RYR2: variants seen among roughly 807,000 people sequenced by gnomAD.
RYR2 encodes cardiac muscle ryanodine receptor-calcium release channel.
RYR2 carries 227 observed loss-of-function variants against 601.1 expected under a neutral mutation model. That is an observed-to-expected ratio of 0.38 (90% CI 0.34 to 0.42). The LOEUF is 0.42. Among genes scored for constraint, RYR2 ranks in the 10% least tolerant of loss-of-function variants. RYR2 has a pLI of 1.00. For missense variants in RYR2, 4,646 were observed against 6,156.5 expected (o/e 0.75, Z 8.21); for synonymous variants, 2,223 against 2,175.1 (o/e 1.02, Z -0.61).
At position 237,628,015 on chromosome 1, in the gene RYR2, GATTC is replaced by G; in HGVS notation, c.6376_6379del (p.Ile2126GlyfsTer4). 1 of 1,613,936 alleles carries G rather than the reference GATTC, an allele frequency of 6.2e-7. No homozygotes were observed. The highest frequency in any genetic ancestry group is 8.5e-7 in the Non-Finnish European group (1 of 1,179,884). The stretch of plus-strand genomic sequence containing the variant: ...TCAACCTGCTGGCATCCCTTGGTCA[GATTC>G]GGTCCCTGCTGAGTGTGAGAATGGG... On this transcript the variant is annotated frameshift_variant, in exon 41 of 105. Coordinates refer to ENST00000366574, the MANE Select transcript of RYR2 (RefSeq NM_001035.3). LOFTEE classifies it high-confidence loss of function.
At chr1:237,382,243 C>T (rs531600740) in intron 8 of RYR2, among the ~76,000 whole-genome samples, 2 of 152,238 alleles carry the variant, frequency 1.3e-5, no homozygotes, top group African/African-American at 2.4e-5. Context: ...AAATAAACAA[C>T]TGATTGAAAA....
intron 5 of RYR2, among the ~76,000 whole-genome samples, chr1:237,368,747 G>C (rs541196748): frequency 3.9e-5 from 6 of 152,024 alleles, no homozygotes; most frequent in Non-Finnish European, 8.8e-5. Flanking sequence ...TTTAAGCCTG[G>C]AGGCATTATG....
intron 44 of RYR2, 68 bp from the exon 45 acceptor site, chr1:237,638,278 GTCATTTATTGT>G: frequency 6.3e-7 from 1 of 1,575,150 alleles, no homozygotes; most frequent in South Asian, 1.2e-5. Flanking sequence ...CTTTAAGGAT[GTCATTTATTGT>G]ATCCAATGTA....
intron 51 of RYR2, among the ~76,000 whole-genome samples, chr1:237,651,777 C>T (rs1052818073): frequency 1.3e-5 from 2 of 152,158 alleles, no homozygotes; most frequent in Non-Finnish European, 2.9e-5. Flanking sequence ...GTGGCTCACG[C>T]CTGTAATCCC....
intron 16 of RYR2, among the ~76,000 whole-genome samples, chr1:237,460,042 A>G (rs1367363250): frequency 1.3e-5 from 2 of 152,128 alleles, no homozygotes; most frequent in African/African-American, 2.4e-5. Context: ...AGTGGGTTTG[A>G]CACAATGGCT....
At chr1:237,148,525 AAAATATAT>A (rs1262003876) in intron 1 of RYR2, among the ~76,000 whole-genome samples, 5 of 81,534 alleles carry the variant, frequency 6.1e-5, no homozygotes, top group Non-Finnish European at 9.7e-5. Context: ...TAAAAAAAAA[AAAATATAT>A]ATATATATAT....
chr1:237,549,628 C>CTTT lies in RYR2; in HGVS notation c.3067-890_3067-888dup, dbSNP rs57579159. On this transcript the variant is annotated intron_variant, in intron 26 of 104. Transcript: ENST00000366574. ...AACCCCTGTGTGATTCCATAGCTTT[C>CTTT]TTTTTTTTTTTTTTTTTTTTTTTTT... Among the ~76,000 whole-genome samples, 63 of 77,730 alleles carry CTTT rather than the reference C, an allele frequency of 8.1e-4. 2 individuals are homozygous for CTTT. Among genetic ancestry groups the CTTT allele is most frequent in the African/African-American group, 2.6e-3 (49 of 19,048 alleles). 51.0% of individuals were successfully genotyped at this position (77,730 alleles called of 152,430 possible). A position where few individuals can be genotyped will look rare whatever the true frequency, so the allele number is the denominator to read the frequency against.
intron 1 of RYR2, among the ~76,000 whole-genome samples, chr1:237,221,659 C>T (rs150313335): frequency 1.4e-3 from 206 of 152,230 alleles, no homozygotes; most frequent in African/African-American, 4.3e-3. Flanking sequence ...TAGCTAAATT[C>T]GGAAGTCAAG....
intron 19 of RYR2, among the ~76,000 whole-genome samples, chr1:237,495,636 T>C (rs1462156862): frequency 6.6e-6 from 1 of 152,188 alleles, no homozygotes; most frequent in Non-Finnish European, 1.5e-5. Context: ...TACCATAGGG[T>C]ATATGTCCAC....
At chr1:237,240,669 A>AC (rs1286518171) in intron 1 of RYR2, among the ~76,000 whole-genome samples, 1 of 147,342 alleles carries the variant, frequency 6.8e-6, no homozygotes, top group Non-Finnish European at 1.5e-5. Flanking sequence ...AAAAGCCAAA[A>AC]AAAAAAAAAA....
At chr1:237,322,636 G>A (rs1695733266) in intron 2 of RYR2, among the ~76,000 whole-genome samples, 1 of 152,142 alleles carries the variant, frequency 6.6e-6, no homozygotes, top group African/African-American at 2.4e-5. Flanking sequence ...TATCAAGTGT[G>A]TTCAATCTGT....
rs752900705 is a variant in RYR2 at position 237,648,554 on chromosome 1, C to T, written c.7453C>T (p.Leu2485Phe). 2 of 1,611,402 alleles carry T rather than the reference C, an allele frequency of 1.2e-6. No individual in the cohort carries two copies. The highest frequency in any genetic ancestry group is 1.7e-6 in the Non-Finnish European group (2 of 1,178,698). Reference sequence around the variant, plus strand: ...TGGGATTGAGGTTCAAGACTTCCTCCTCCATCTTCTTGAGGTTGGCTTTCT... The same window carrying T: ...TGGGATTGAGGTTCAAGACTTCCTCTTCCATCTTCTTGAGGTTGGCTTTCT... ...VYGIEVQDFL[L>F]HLLEVGFLPD... Residue 2485 changes from leucine (L) to phenylalanine (F), a missense_variant, in exon 49 of 105, where the codon CTC becomes TTC. Leu to Phe is a conservative substitution (Grantham distance 22, BLOSUM62 0). This residue lies in a region of RYR2 where 1,497 missense variants were observed against 1,842.6 expected (regional missense o/e 0.81). Coordinates refer to ENST00000366574, the MANE Select transcript of RYR2 (RefSeq NM_001035.3).
chr1:237,729,465 C>G (rs531344915), intron 76 of RYR2, among the ~76,000 whole-genome samples: 2 of 152,194 alleles, frequency 1.3e-5, no homozygotes, highest in South Asian at 2.1e-4. Flanking sequence ...TTTCCAAGGC[C>G]CTTCATAAAC....
chr1:237,301,830 G>A (rs1468265921), intron 2 of RYR2, among the ~76,000 whole-genome samples: 2 of 152,032 alleles, frequency 1.3e-5, no homozygotes, highest in Admixed American at 6.5e-5. Flanking sequence ...GCTCCCAGAC[G>A]GTGACTTTCT....
intron 103 of RYR2, 49 bp from the exon 104 acceptor site, chr1:237,831,465 C>G: frequency 9.9e-7 from 1 of 1,010,598 alleles, no homozygotes; most frequent in Non-Finnish European, 1.5e-6. Flanking sequence ...CCTGTTTATC[C>G]TAATATTTCC....
At chr1:237,618,575 A>C (rs1489199903) in intron 38 of RYR2, among the ~76,000 whole-genome samples, 1 of 152,212 alleles carries the variant, frequency 6.6e-6, no homozygotes, top group African/African-American at 2.4e-5. Context: ...ACCAATGGGC[A>C]TAGACAAGAA....
intron 1 of RYR2, among the ~76,000 whole-genome samples, chr1:237,054,812 T>G (rs764229513): frequency 6.6e-6 from 1 of 152,190 alleles, no homozygotes; most frequent in Non-Finnish European, 1.5e-5. Flanking sequence ...GGGATCTTGC[T>G]GAATTTGGGT....
At chr1:237,636,113 A>G (rs1339434624) in intron 44 of RYR2, among the ~76,000 whole-genome samples, 1 of 151,930 alleles carries the variant, frequency 6.6e-6, no homozygotes, top group Non-Finnish European at 1.5e-5. Context: ...GTACACAAAT[A>G]TATACTTTCA....
intron 1 of RYR2, among the ~76,000 whole-genome samples, chr1:237,140,090 A>T (rs1212233053): frequency 6.6e-6 from 1 of 152,234 alleles, no homozygotes; most frequent in African/African-American, 2.4e-5. Context: ...TAAAAAAAGA[A>T]ATCAGAATGA....
Sources: gnomAD v4.1 joint callset for allele counts (sites outside exome capture counted in the v4.1 genomes callset) on GRCh38, gnomAD v4.1.1 for gene constraint, gnomAD v4.1.1 regional missense constraint, MANE v1.5 for transcripts, NCBI Gene and HGNC (gene_info 2026-07-23, HGNC 2026-07-21) for gene names.